The following PDE4D variants were observed in gnomAD, a reference collection of about 807,000 sequenced individuals.
PDE4D encodes 3',5'-cyclic-AMP phosphodiesterase 4D.
PDE4D carries 24 observed loss-of-function variants against 87.4 expected under a neutral mutation model. The ratio of observed to expected loss-of-function variants is 0.27; its 90% confidence interval spans 0.20 to 0.39. The LOEUF is 0.39. Among genes scored for constraint, PDE4D ranks in the 10% least tolerant of loss-of-function variants. The pLI, the probability that PDE4D is intolerant of heterozygous loss-of-function variation, is 1.00. For missense variants in PDE4D, 714 were observed against 1,041.0 expected (o/e 0.69, Z 4.32); for synonymous variants, 384 against 383.2 (o/e 1.00, Z -0.02).
chr5:60,473,119 GAAAGAA>G lies in PDE4D; in HGVS notation c.-90+14817_-90+14822del, dbSNP rs377145939. 2.0e-3 allele frequency among the ~76,000 whole-genome samples: 247 copies of G among 120,624 alleles called. 9 individuals carry two copies. The highest frequency in any genetic ancestry group is 6.8e-3 in the African/African-American group (198 of 29,132). 79.1% of individuals were successfully genotyped at this position (120,624 alleles called of 152,430 possible). ...AAAGAAAGAAAGAAAGAGAGAGAGA[GAAAGAA>G]AGGAAGGAAGGAAGGAAGGAAGGAA... On this transcript the variant is annotated intron_variant, in intron 1 of 16. Coordinates refer to the PDE4D transcript ENST00000502484.
rs369198758 is a variant in PDE4D at position 60,350,041 on chromosome 5, T to C, written c.-90+137901A>G. Among the ~76,000 whole-genome samples, 14 of 152,292 alleles carry C rather than the reference T, an allele frequency of 9.2e-5. No homozygotes were observed. In the South Asian group the frequency reaches 1.9e-3, roughly 20 times the overall value. ...CCTAAGTAGGTTACAGAGTCATTCATGGAGATTATAGGGAAGGATTTCAAA... is the reference window on the plus strand; with the variant it reads ...CCTAAGTAGGTTACAGAGTCATTCACGGAGATTATAGGGAAGGATTTCAAA... On this transcript the variant is annotated intron_variant, in intron 1 of 16. Transcript: ENST00000502484.
intron 1 of PDE4D, among the ~76,000 whole-genome samples, chr5:59,319,710 A>G (rs538053465): frequency 6.6e-6 from 1 of 152,288 alleles, no homozygotes; most frequent in South Asian, 2.1e-4. Context: ...TTTTGGATTA[A>G]CTATATATTT....
chr5:59,124,719 G>T (rs1262776317), intron 5 of PDE4D, among the ~76,000 whole-genome samples: 1 of 152,140 alleles, frequency 6.6e-6, no homozygotes, highest in East Asian at 1.9e-4. Context: ...ATTCGTTTGT[G>T]AATAAGAACA....
At chr5:60,479,781 G>A (rs1419942918) in intron 1 of PDE4D, among the ~76,000 whole-genome samples, 3 of 152,184 alleles carry the variant, frequency 2.0e-5, no homozygotes, top group African/African-American at 7.2e-5. Flanking sequence ...CCTACAGGAA[G>A]TAGTAGTTTG....
chr5:59,831,301 T>C (rs1433710961), intron 1 of PDE4D, among the ~76,000 whole-genome samples: 2 of 123,274 alleles, frequency 1.6e-5, no homozygotes, highest in Non-Finnish European at 3.1e-5. Context: ...CCAGACTTGC[T>C]GCCACAGAGG....
intron 5 of PDE4D, among the ~76,000 whole-genome samples, chr5:59,098,783 C>G (rs2153432414): frequency 6.6e-6 from 1 of 151,044 alleles, no homozygotes; most frequent in Non-Finnish European, 1.5e-5. Context: ...ATGGTGACAC[C>G]ATGTTTATCA....
chr5:59,849,001 C>T (rs1284094684), intron 1 of PDE4D, among the ~76,000 whole-genome samples: 1 of 152,020 alleles, frequency 6.6e-6, no homozygotes, highest in Non-Finnish European at 1.5e-5. Context: ...GACAATTGAG[C>T]TGCCTTTTCA....
chr5:59,006,563 CAG>C (rs1255162320), intron 6 of PDE4D, among the ~76,000 whole-genome samples: 8 of 151,892 alleles, frequency 5.3e-5, no homozygotes, highest in African/African-American at 1.9e-4. Context: ...GCCTGGATGA[CAG>C]AGCAAGACCT....
intron 5 of PDE4D, among the ~76,000 whole-genome samples, chr5:59,153,559 T>C (rs572871165): frequency 1.3e-5 from 2 of 152,344 alleles, no homozygotes; most frequent in East Asian, 3.9e-4. Flanking sequence ...TGGTTTCTAC[T>C]GTTCCATGTT....
intron 1 of PDE4D, among the ~76,000 whole-genome samples, chr5:60,423,924 C>G (rs1274284262): frequency 1.3e-5 from 2 of 152,120 alleles, no homozygotes; most frequent in Non-Finnish European, 1.5e-5. Context: ...CACAAATAAA[C>G]TAGAAAATCT....
intron 2 of PDE4D, among the ~76,000 whole-genome samples, chr5:59,200,087 G>GAA (rs1561688638): frequency 6.7e-6 from 1 of 149,808 alleles, no homozygotes. Context: ...ACACATACAT[G>GAA]TATGTAGACA....
At chr5:59,180,061 T>C (rs573933170) in intron 5 of PDE4D, among the ~76,000 whole-genome samples, 2 of 152,320 alleles carry the variant, frequency 1.3e-5, no homozygotes, top group East Asian at 1.9e-4. Context: ...TTTGATCTCA[T>C]TGAACTTTTT....
intron 6 of PDE4D, among the ~76,000 whole-genome samples, chr5:59,015,748 A>G: frequency 6.6e-6 from 1 of 152,214 alleles, no homozygotes; most frequent in Non-Finnish European, 1.5e-5. Context: ...TAGAAATACC[A>G]TTTGACCCAG....
At chr5:60,017,270 G>A (rs1352644651) in intron 2 of PDE4D, among the ~76,000 whole-genome samples, 1 of 152,170 alleles carries the variant, frequency 6.6e-6, no homozygotes, top group Non-Finnish European at 1.5e-5. Flanking sequence ...AGAGCACAAA[G>A]AGAGTAGATT....
chr5:59,527,377 A>T (rs1813355485), intron 1 of PDE4D, among the ~76,000 whole-genome samples: 1 of 152,220 alleles, frequency 6.6e-6, no homozygotes, highest in African/African-American at 2.4e-5. Flanking sequence ...ATGTTCACAA[A>T]GTATTCATTT....
chr5:59,410,881 GCTAA>G (rs1792554998), intron 1 of PDE4D, among the ~76,000 whole-genome samples: 1 of 152,022 alleles, frequency 6.6e-6, no homozygotes, highest in Non-Finnish European at 1.5e-5. Context: ...GCATTATAAG[GCTAA>G]CTGACAGAGT....
intron 2 of PDE4D, among the ~76,000 whole-genome samples, chr5:60,107,389 C>T (rs1259351426): frequency 2.5e-4 from 38 of 152,084 alleles, no homozygotes; most frequent in Non-Finnish European, 1.9e-4. Flanking sequence ...CAAAAAGAGT[C>T]CAGGACCAGA....
At chr5:60,291,521 T>C (rs1583319545) in intron 1 of PDE4D, among the ~76,000 whole-genome samples, 1 of 151,848 alleles carries the variant, frequency 6.6e-6, no homozygotes, top group Non-Finnish European at 1.5e-5. Context: ...TATTACAATA[T>C]AACGAACAAA....
At chr5:59,827,974 T>G (rs972557302) in intron 1 of PDE4D, among the ~76,000 whole-genome samples, 4 of 152,150 alleles carry the variant, frequency 2.6e-5, no homozygotes, top group Non-Finnish European at 4.4e-5. Flanking sequence ...TATTTTCACA[T>G]AATTGTTTAT....
Sources: gnomAD v4.1 joint callset for allele counts (sites outside exome capture counted in the v4.1 genomes callset) on GRCh38, gnomAD v4.1.1 for gene constraint, MANE v1.5 for transcripts, NCBI Gene and HGNC (gene_info 2026-07-23, HGNC 2026-07-21) for gene names.